The following LHPP variants were observed in gnomAD, a reference collection of about 807,000 sequenced individuals.
LHPP encodes hLHPP.
A neutral mutation model predicts 30.3 loss-of-function variants in LHPP; 24 were observed. That is an observed-to-expected ratio of 0.79 (90% CI 0.57 to 1.11). The LOEUF (loss-of-function observed/expected upper bound fraction) is 1.11, where lower values mean the gene tolerates loss of function less well. LHPP is among the 50% of genes most tolerant of loss of function. The probability of loss-of-function intolerance (pLI) is 0.00; values close to 1 mark genes in which losing one functional copy is unlikely to be tolerated. For synonymous variants in LHPP, 150 were observed against 157.1 expected, an observed-to-expected ratio of 0.95 and a Z score of 0.34; for missense variants, 356 against 367.2, an observed-to-expected ratio of 0.97 and a Z score of 0.25.
intron 2 of LHPP, 150 bp downstream of exon 2, chr10:124,484,476 C>T: frequency 4.0e-6 from 3 of 742,632 alleles, no homozygotes; most frequent in Admixed American, 2.9e-5. Context: ...CCTCATGGGA[C>T]TTCCTGCTGG....
In LHPP at chr10:124,541,588, C is replaced by A. The variant is rs1228774152; in HGVS notation, c.716+24317C>A. Among the ~76,000 whole-genome samples, 1 of 152,058 alleles carries A rather than the reference C, an allele frequency of 6.6e-6. No individual in the cohort carries two copies. The highest frequency in any genetic ancestry group is 1.9e-4 in the East Asian group (1 of 5,174). On this transcript the variant is annotated intron_variant, in intron 6 of 6. Coordinates refer to ENST00000368842, the MANE Select transcript of LHPP (RefSeq NM_022126.4). The surrounding 1 kb of genome is among the most constrained non-coding windows in gnomAD (Gnocchi z 4.2). ...AAAGTCTCATGCCTGTCTGCAGGAC[C>A]CCCGCGTGAGCCTGGGACCACCCGT...
chr10:124,554,134 C>A, intron 6 of LHPP: 1 of 885,520 alleles, frequency 1.1e-6, no homozygotes, highest in Non-Finnish European at 1.4e-6. Flanking sequence ...CGACCTGGGC[C>A]AGGTAGAGGT....
intron 1 of LHPP, among the ~76,000 whole-genome samples, chr10:124,476,378 G>A (rs758021452): frequency 8.5e-5 from 13 of 152,224 alleles, no homozygotes; most frequent in South Asian, 4.1e-4. Flanking sequence ...GTGTGAGGCC[G>A]TGCCCTGTGC....
At chr10:124,483,917 T>G (rs1953228687) in intron 1 of LHPP, among the ~76,000 whole-genome samples, 1 of 151,692 alleles carries the variant, frequency 6.6e-6, no homozygotes, top group African/African-American at 2.4e-5. Flanking sequence ...GGAAAAGAGT[T>G]GTCGGGGCGT....
chr10:124,483,246 C>T (rs1953199163), intron 1 of LHPP, among the ~76,000 whole-genome samples: 1 of 152,168 alleles, frequency 6.6e-6, no homozygotes, highest in African/African-American at 2.4e-5. Context: ...TCTCCATTGA[C>T]AGTGATGAGA....
Position 124,517,404 on chromosome 10 carries a change from G to T in LHPP, c.716+133G>T. ...GCAGTATGTGGGCATTCACTATCTT[G>T]TATGTAATGGACCTCTAAGAACAGG... On this transcript the variant is annotated intron_variant, in intron 6 of 6. Coordinates refer to ENST00000368842, the MANE Select transcript of LHPP (RefSeq NM_022126.4). This position sits in a 1 kb window ranked among gnomAD's most constrained non-coding sequence, Gnocchi z 4.1. The T allele has an allele frequency of 3.5e-6, 2 of 573,338 alleles. No homozygotes were observed. The highest frequency in any genetic ancestry group is 4.6e-5 in the South Asian group (2 of 43,198). 35.5% of individuals were successfully genotyped at this position (573,338 alleles called of 1,614,324 possible).
chr10:124,562,520 A>G (rs890756436), intron 6 of LHPP, among the ~76,000 whole-genome samples: 2 of 152,154 alleles, frequency 1.3e-5, no homozygotes, highest in African/African-American at 4.8e-5. Context: ...AAAAGAATGA[A>G]CAGACATTTC....
chr10:124,469,181 A>G (rs1284734944), intron 1 of LHPP, among the ~76,000 whole-genome samples: 1 of 152,046 alleles, frequency 6.6e-6, no homozygotes, highest in African/African-American at 2.4e-5. Flanking sequence ...GCAGAGGGAA[A>G]AGTGTGATTG....
chr10:124,516,617 G>A, intron 5 of LHPP, among the ~76,000 whole-genome samples: 1 of 151,648 alleles, frequency 6.6e-6, no homozygotes, highest in Middle Eastern at 3.4e-3. Flanking sequence ...GGTTTTTTCA[G>A]GTGAGAGAGT....
At chr10:124,498,654 C>CTT in intron 5 of LHPP, 1 of 467,538 alleles carries the variant, frequency 2.1e-6, no homozygotes, top group Admixed American at 3.0e-5. Context: ...GTTTTCTTTT[C>CTT]TTTTTCTTTT....
chr10:124,518,384 C>T (rs971353340), intron 6 of LHPP, among the ~76,000 whole-genome samples: 7 of 152,262 alleles, frequency 4.6e-5, no homozygotes, highest in Non-Finnish European at 1.5e-5. Flanking sequence ...CCCCCAGTCC[C>T]CAATCCTGCC....
At chr10:124,551,945 C>T (rs1238591304) in intron 6 of LHPP, among the ~76,000 whole-genome samples, 1 of 152,058 alleles carries the variant, frequency 6.6e-6, no homozygotes, top group Non-Finnish European at 1.5e-5. Context: ...AGGCCCAGGG[C>T]CCTGAGACCC....
At chr10:124,568,395 G>T (rs1055972565) in intron 6 of LHPP, among the ~76,000 whole-genome samples, 3 of 152,312 alleles carry the variant, frequency 2.0e-5, no homozygotes, top group African/African-American at 7.2e-5. Context: ...CATCCCCGGG[G>T]TGACCATTCC....
chr10:124,503,091 CAG>C (rs1319588911), intron 5 of LHPP, among the ~76,000 whole-genome samples: 2 of 151,564 alleles, frequency 1.3e-5, no homozygotes, highest in Non-Finnish European at 2.9e-5. Context: ...TTTTTTGAGA[CAG>C]AGTTTCACTC....
intron 3 of LHPP, among the ~76,000 whole-genome samples, chr10:124,494,907 C>T (rs1242402236): frequency 7.2e-5 from 11 of 152,052 alleles, no homozygotes; most frequent in Non-Finnish European, 1.6e-4. Context: ...CATCTGGGAT[C>T]GTTAATGCCA....
chr10:124,493,382 C>T (rs556560786), intron 3 of LHPP, among the ~76,000 whole-genome samples: 5 of 152,232 alleles, frequency 3.3e-5, no homozygotes, highest in South Asian at 2.1e-4. Flanking sequence ...TCCTGCACTG[C>T]GGGACACAGG....
intron 6 of LHPP, among the ~76,000 whole-genome samples, chr10:124,612,008 C>T (rs529011607): frequency 6.6e-6 from 1 of 152,336 alleles, no homozygotes; most frequent in African/African-American, 2.4e-5. Flanking sequence ...CCAGCGGCAC[C>T]TCTGTGGGTG....
chr10:124,587,738 TAAAAAAAAAAAAAA>T (rs747954796), intron 6 of LHPP, among the ~76,000 whole-genome samples: 6 of 53,012 alleles, frequency 1.1e-4, no homozygotes, highest in Admixed American at 2.1e-4. Context: ...AGACTCCATC[TAAAAAAAAAAAAAA>T]AAAAAAAAAA....
Position 124,517,478 on chromosome 10 carries a change from A to C in LHPP, c.716+207A>C, listed in dbSNP as rs192701292. The C allele has an allele frequency of 1.3e-5, 5 of 376,518 alleles. No individual in the cohort carries two copies. The East Asian group carries it at 2.3e-4, about 17-fold the overall frequency. 23.3% of individuals were successfully genotyped at this position (376,518 alleles called of 1,614,324 possible). A position where few individuals can be genotyped will look rare whatever the true frequency, so the allele number is the denominator to read the frequency against. Reference sequence around the variant, plus strand: ...CAGTGATAAAGTAGAGTGGCTTTTGATACAGGGTCTGGGTTTTGGAATGGC... The same window carrying C: ...CAGTGATAAAGTAGAGTGGCTTTTGCTACAGGGTCTGGGTTTTGGAATGGC... On this transcript the variant is annotated intron_variant, in intron 6 of 6. Transcript: ENST00000368842. The surrounding 1 kb of genome is among the most constrained non-coding windows in gnomAD (Gnocchi z 4.1).
Sources: allele counts gnomAD v4.1 joint callset (sites outside exome capture counted in the v4.1 genomes callset), GRCh38; gene constraint gnomAD v4.1.1; non-coding constraint Gnocchi (gnomAD v3.1); transcripts MANE v1.5; gene names NCBI Gene and HGNC (gene_info 2026-07-23, HGNC 2026-07-21).